Variants in SDCCAG8 observed in about 807,000 individuals in gnomAD.
SDCCAG8 encodes serologically defined colon cancer antigen 8.
Under a neutral mutation model 101.8 loss-of-function variants are expected in SDCCAG8, and 74 were observed. The ratio of observed to expected loss-of-function variants is 0.73; its 90% confidence interval spans 0.60 to 0.88. The LOEUF is 0.88. Among genes scored for constraint, SDCCAG8 ranks in the 40% least tolerant of loss-of-function variants. The probability of loss-of-function intolerance (pLI) is 0.00; values close to 1 mark genes in which losing one functional copy is unlikely to be tolerated. For synonymous variants in SDCCAG8, 281 were observed against 292.9 expected (o/e 0.96, Z 0.41); for missense variants, 787 against 822.6 (o/e 0.96, Z 0.53).
chr1:243,350,517 C>T (rs779143827), intron 12 of SDCCAG8, among the ~76,000 whole-genome samples: 5 of 152,004 alleles, frequency 3.3e-5, no homozygotes, highest in Non-Finnish European at 5.9e-5. Flanking sequence ...TGCGCCCGGC[C>T]TATGTCAGTC....
intron 16 of SDCCAG8, among the ~76,000 whole-genome samples, chr1:243,444,795 A>ATACT (rs1360409678): frequency 1.3e-5 from 2 of 152,248 alleles, no homozygotes; most frequent in Non-Finnish European, 2.9e-5. Flanking sequence ...ATTTAATTTT[A>ATACT]TACTGCATGG....
rs755070198 is a variant in SDCCAG8, at chr1:243,426,469, T to C, written c.1896T>C (p.Tyr632=). ...TCAGTCAAGAAAAAAGGTATACATA[T>C]GATAAATTGGGAAAGTTACAGAGAA... ...AQLSQEKRYT[Y]DKLGKLQRRN... The change falls in exon 16 of 18, where the codon TAT becomes TAC. Residue 632 remains tyrosine, a synonymous_variant. Coordinates refer to ENST00000366541, the MANE Select transcript of SDCCAG8 (RefSeq NM_006642.5). 1.1e-5 allele frequency: 17 copies of C among 1,613,820 alleles called. No individual in the cohort carries two copies. Among genetic ancestry groups the C allele is most frequent in the Admixed American group, 3.3e-5 (2 of 60,022 alleles).
At chr1:243,343,267 A>G (rs1477010412) in intron 11 of SDCCAG8, among the ~76,000 whole-genome samples, 1 of 152,206 alleles carries the variant, frequency 6.6e-6, no homozygotes, top group Non-Finnish European at 1.5e-5. Flanking sequence ...CGGTGAGATA[A>G]TATATTAAGA....
At position 243,270,263 on chromosome 1, in the gene SDCCAG8, T is replaced by C; in HGVS notation, c.220+6T>C. On this transcript the variant is annotated splice_donor_region_variant and intron_variant, in intron 2 of 17. Coordinates refer to ENST00000366541, the MANE Select transcript of SDCCAG8 (RefSeq NM_006642.5). ...ATTACAACAGAGCCATGCTGGTGAGTGTGAATGTCAATCCTAGTCTGAATG... is the reference window on the plus strand; with the variant it reads ...ATTACAACAGAGCCATGCTGGTGAGCGTGAATGTCAATCCTAGTCTGAATG... 1 of 1,613,834 alleles carries C rather than the reference T, an allele frequency of 6.2e-7. No individual in the cohort carries two copies. The highest frequency in any genetic ancestry group is 8.5e-7 in the Non-Finnish European group (1 of 1,179,814).
intron 12 of SDCCAG8, among the ~76,000 whole-genome samples, chr1:243,349,009 A>C: frequency 6.7e-6 from 1 of 149,978 alleles, no homozygotes; most frequent in African/African-American, 2.5e-5. Flanking sequence ...AACAAACAAA[A>C]CAAAAAAAAA....
At chr1:243,295,776 C>G (rs970126386) in intron 6 of SDCCAG8, among the ~76,000 whole-genome samples, 2 of 152,228 alleles carry the variant, frequency 1.3e-5, no homozygotes, top group South Asian at 2.1e-4. Flanking sequence ...CATGTTTTCT[C>G]TCTTCCCTTT....
At chr1:243,379,532 C>A (rs1238338272) in intron 13 of SDCCAG8, among the ~76,000 whole-genome samples, 1 of 151,956 alleles carries the variant, frequency 6.6e-6, no homozygotes. Flanking sequence ...GAATTTGCTG[C>A]ATTGGAAAAA....
chr1:243,327,257 C>CTG (rs2074215665), intron 9 of SDCCAG8, among the ~76,000 whole-genome samples: 2 of 63,686 alleles, frequency 3.1e-5, no homozygotes, highest in Non-Finnish European at 7.8e-5. Flanking sequence ...CATTCAGTTA[C>CTG]TATAAAATTA....
chr1:243,262,190 T>G lies in SDCCAG8; in HGVS notation c.67+5950T>G, dbSNP rs1490279108. Among the ~76,000 whole-genome samples, 9 of 147,584 alleles carry G rather than the reference T, an allele frequency of 6.1e-5. 2 individuals are homozygous for G. The highest frequency in any genetic ancestry group is 1.4e-4 in the Non-Finnish European group (9 of 65,870). ...GATGTGATCTTGGCTCACTGCAACTTCTGCCTCCTGAGTTCAAGCGATTCT... is the reference window on the plus strand; with the variant it reads ...GATGTGATCTTGGCTCACTGCAACTGCTGCCTCCTGAGTTCAAGCGATTCT... On this transcript the variant is annotated intron_variant, in intron 1 of 17. Transcript: ENST00000366541.
At chr1:243,491,568 C>T (rs1353216835) in intron 17 of SDCCAG8, among the ~76,000 whole-genome samples, 2 of 152,198 alleles carry the variant, frequency 1.3e-5, no homozygotes, top group Non-Finnish European at 2.9e-5. Flanking sequence ...AACCCAGAGC[C>T]TGCTTTTTCT....
intron 16 of SDCCAG8, among the ~76,000 whole-genome samples, chr1:243,481,887 T>C (rs532884755): frequency 5.9e-5 from 9 of 152,280 alleles, no homozygotes; most frequent in South Asian, 4.1e-4. Flanking sequence ...AAAACTCTCA[T>C]TGAAAAACAT....
At chr1:243,471,549 AG>A (rs1457118222) in intron 16 of SDCCAG8, among the ~76,000 whole-genome samples, 1 of 152,012 alleles carries the variant, frequency 6.6e-6, no homozygotes, top group Admixed American at 6.6e-5. Context: ...CAGGCTCAGC[AG>A]GCCAGCTTTT....
rs182390644 is a variant in SDCCAG8 at position 243,317,250 on chromosome 1, C to T, written c.1068+357C>T. 1.1e-3 allele frequency among the ~76,000 whole-genome samples: 169 copies of T among 151,942 alleles called. 1 individual carries two copies. Among genetic ancestry groups the T allele is most frequent in the Middle Eastern group, 3.5e-3 (1 of 288 alleles). Reference sequence around the variant, plus strand: ...ATATGACTAAAGACAAATGTTTTTCCTCAATAATTGGGAAGTTTTGAGAAA... The same window carrying T: ...ATATGACTAAAGACAAATGTTTTTCTTCAATAATTGGGAAGTTTTGAGAAA... On this transcript the variant is annotated intron_variant, in intron 9 of 17. Transcript: ENST00000366541.
rs1056998767 is a variant in SDCCAG8 at position 243,344,310 on chromosome 1, G to C, written c.1452G>C (p.Arg484Ser). 1.2e-6 allele frequency: 2 copies of C among 1,612,838 alleles called. No individual in the cohort carries two copies. Among genetic ancestry groups the C allele is most frequent in the Non-Finnish European group, 1.7e-6 (2 of 1,178,992 alleles). The part of the protein sequence containing the change: ...EHREFRAKTN[R>S]DLEIKDQEIE... Reference sequence around the variant, plus strand: ...GAGAGTTCAGAGCAAAAACTAACAGGGATCTTGAAATTAAAGATCAGGTAA... The same window carrying C: ...GAGAGTTCAGAGCAAAAACTAACAGCGATCTTGAAATTAAAGATCAGGTAA... The change falls in exon 12 of 18, where the codon AGG becomes AGC. Residue 484 changes from arginine (R) to serine (S), a missense_variant. By Grantham distance (110) the Arg-to-Ser change is moderately radical. Transcript: ENST00000366541.
At chr1:243,342,985 G>A (rs1370759937) in intron 11 of SDCCAG8, among the ~76,000 whole-genome samples, 1 of 152,256 alleles carries the variant, frequency 6.6e-6, no homozygotes, top group East Asian at 1.9e-4. Flanking sequence ...GGATCTTGTT[G>A]TATTGTGCAG....
intron 16 of SDCCAG8, among the ~76,000 whole-genome samples, chr1:243,450,133 C>G (rs1352488108): frequency 1.3e-5 from 2 of 152,156 alleles, no homozygotes; most frequent in Non-Finnish European, 2.9e-5. Flanking sequence ...GTATTCATGG[C>G]CTTCGATGTC....
chr1:243,484,444 C>T (rs1664367566), intron 16 of SDCCAG8, among the ~76,000 whole-genome samples: 2 of 152,244 alleles, frequency 1.3e-5, no homozygotes, highest in Admixed American at 1.3e-4. Flanking sequence ...GTTTCCTTAA[C>T]CTTAAAGTGG....
intron 16 of SDCCAG8, among the ~76,000 whole-genome samples, chr1:243,479,423 A>C (rs1285231272): frequency 6.6e-6 from 1 of 152,240 alleles, no homozygotes; most frequent in African/African-American, 2.4e-5. Flanking sequence ...GTTATGGTGC[A>C]AAAGCAGCCA....
At chr1:243,338,958 G>T (rs1166642612) in intron 10 of SDCCAG8, 1 of 154,122 alleles carries the variant, frequency 6.5e-6, no homozygotes, top group Non-Finnish European at 1.4e-5. Context: ...GGGAGGAAAA[G>T]AAGGTGTGAC....
Sources: allele counts gnomAD v4.1 joint callset (sites outside exome capture counted in the v4.1 genomes callset), GRCh38; gene constraint gnomAD v4.1.1; transcripts MANE v1.5; gene names NCBI Gene and HGNC (gene_info 2026-07-23, HGNC 2026-07-21).